CACFD1: variants seen among roughly 807,000 people sequenced by gnomAD.
CACFD1 encodes calcium channel flower homolog.
Under a neutral mutation model 21.3 loss-of-function variants are expected in CACFD1, and 26 were observed. The observed-to-expected ratio is 1.22, with a 90% CI of 0.89 to 1.69. The LOEUF (loss-of-function observed/expected upper bound fraction) is 1.69, where lower values mean the gene tolerates loss of function less well. CACFD1 is among the 40% of genes most tolerant of loss of function. CACFD1 has a pLI of 0.00. For missense variants in CACFD1, 265 were observed against 236.2 expected, an observed-to-expected ratio of 1.12 and a Z score of -0.80; for synonymous variants, 121 against 106.6, an observed-to-expected ratio of 1.13 and a Z score of -0.83.
chr9:133,467,873 G>C (rs1422004613), intron 3 of CACFD1, 48 bp from the exon 4 acceptor site: 5 of 1,349,418 alleles, frequency 3.7e-6, no homozygotes, highest in African/African-American at 1.4e-5. Context: ...GGAAGGATGT[G>C]GTGGCTGTGG....
intron 3 of CACFD1, among the ~76,000 whole-genome samples, chr9:133,467,070 C>T (rs1351979916): frequency 6.6e-6 from 1 of 152,054 alleles, no homozygotes; most frequent in Admixed American, 6.6e-5. Context: ...TTTTTAACGA[C>T]AGAAAAATCT....
chr9:133,467,516 G>A (rs1356437529), intron 3 of CACFD1, among the ~76,000 whole-genome samples: 1 of 152,206 alleles, frequency 6.6e-6, no homozygotes, highest in Non-Finnish European at 1.5e-5. Flanking sequence ...GACTGACCTC[G>A]GACAAGCTTT....
At chr9:133,468,237 C>T (rs1685131526) in intron 4 of CACFD1, 7 of 1,383,676 alleles carry the variant, frequency 5.1e-6, no homozygotes, top group Non-Finnish European at 6.8e-6. Flanking sequence ...CTTGCCCCGT[C>T]ACGGCCTGCA....
At chr9:133,463,704 A>C in intron 2 of CACFD1, 149 bp downstream of exon 2, 2 of 750,600 alleles carry the variant, frequency 2.7e-6, no homozygotes, top group Non-Finnish European at 4.5e-6. Flanking sequence ...TGCCTCGGGC[A>C]TGTGAGTTTC....
chr9:133,467,665 GT>G (rs1843491768), intron 3 of CACFD1, among the ~76,000 whole-genome samples: 1 of 152,188 alleles, frequency 6.6e-6, no homozygotes, highest in Non-Finnish European at 1.5e-5. Context: ...TCTCGTTACT[GT>G]TTAGCTCTTT....
intron 3 of CACFD1, among the ~76,000 whole-genome samples, chr9:133,466,189 G>A (rs917719143): frequency 6.6e-6 from 1 of 152,052 alleles, no homozygotes; most frequent in Non-Finnish European, 1.5e-5. Flanking sequence ...TCTAAATCAC[G>A]AAGAACACAG....
chr9:133,466,378 T>G (rs1843437859), intron 3 of CACFD1, among the ~76,000 whole-genome samples: 1 of 152,378 alleles, frequency 6.6e-6, no homozygotes, highest in South Asian at 2.1e-4. Context: ...TGCAGGCATT[T>G]TTTAAAAGCC....
chr9:133,460,794 G>A (rs35125296), intron 1 of CACFD1, among the ~76,000 whole-genome samples: 4,963 of 152,298 alleles, frequency 0.033, 105 homozygotes, highest in Middle Eastern at 0.054. Context: ...TGAGGGCCCG[G>A]CCTCTCCCTG....
At chr9:133,468,199 G>A (rs1004174654) in intron 4 of CACFD1, 171 bp downstream of exon 4, 19 of 1,143,592 alleles carry the variant, frequency 1.7e-5, no homozygotes, top group Middle Eastern at 2.0e-4. Context: ...GAAGACAGAG[G>A]ACTTACAACA....
At chr9:133,460,536 G>A (rs1344216348) in intron 1 of CACFD1, among the ~76,000 whole-genome samples, 2 of 143,312 alleles carry the variant, frequency 1.4e-5, no homozygotes, top group Non-Finnish European at 3.2e-5. Flanking sequence ...GCTCCCCAGG[G>A]GCTTTTGTGA....
In CACFD1 at chr9:133,460,003, G is replaced by A. The variant is rs1435535478; in HGVS notation, c.-64G>A. ...CCCTCTCCCACAAGGCAGCGCGCCGGCTCGGACGCGGCCGGCTACCGAGCC... is the reference window on the plus strand; with the variant it reads ...CCCTCTCCCACAAGGCAGCGCGCCGACTCGGACGCGGCCGGCTACCGAGCC... On this transcript the variant is annotated 5_prime_UTR_variant, in exon 1 of 5. Coordinates refer to ENST00000316948, the MANE Select transcript of CACFD1 (RefSeq NM_017586.5). 3.8e-5 allele frequency: 55 copies of A among 1,464,002 alleles called. No individual in the cohort carries two copies. The highest frequency in any genetic ancestry group is 4.9e-5 in the Non-Finnish European group (54 of 1,109,728). The allele number at this position is 1,464,002 out of a possible 1,614,324, so 90.7% of individuals were successfully genotyped here.
chr9:133,465,576 G>A lies in CACFD1; in HGVS notation c.320+129G>A, dbSNP rs1184219552. 2 of 982,090 alleles carry A rather than the reference G, an allele frequency of 2.0e-6. No homozygotes were observed. Among genetic ancestry groups the A allele is most frequent in the Non-Finnish European group, 3.0e-6 (2 of 665,038 alleles). The allele number at this position is 982,090 out of a possible 1,614,324, so 60.8% of individuals were successfully genotyped here. A position where few individuals can be genotyped will look rare whatever the true frequency, so the allele number is the denominator to read the frequency against. ...CTCTGTGGAAGTGTAAACTGGGATT[G>A]CCTTTGTGCACAGTGATTTGCTCAT... is the stretch of plus-strand genomic sequence containing the variant. On this transcript the variant is annotated intron_variant, in intron 3 of 4. Transcript: ENST00000316948. The surrounding 1 kb of genome is among the most constrained non-coding windows in gnomAD (Gnocchi z 5.0).
rs968770162 is a variant in CACFD1, at chr9:133,470,247, A to G, written c.*1594A>G. The G allele has an allele frequency of 6.6e-5, 10 of 152,462 alleles. No individual in the cohort carries two copies. Among genetic ancestry groups the G allele is most frequent in the African/African-American group, 2.4e-4 (10 of 41,344 alleles). 9.4% of individuals were successfully genotyped at this position (152,462 alleles called of 1,614,324 possible). A position where few individuals can be genotyped will look rare whatever the true frequency, so the allele number is the denominator to read the frequency against. On this transcript the variant is annotated 3_prime_UTR_variant, in exon 5 of 5. Transcript: ENST00000316948. ...TGTGTATGTATATGTGTGTGGGTGCACACATCTGTCCCATGTATGCAGTGA... is the reference window on the plus strand; with the variant it reads ...TGTGTATGTATATGTGTGTGGGTGCGCACATCTGTCCCATGTATGCAGTGA...
Position 133,468,755 on chromosome 9 carries a change from T to C in CACFD1, c.*102T>C. Reference sequence around the variant, plus strand: ...TGAGGCACAGCCTGGAGAGGGGCCTTTGCACGTGTCCCTACACCTGGAGTC... The same window carrying C: ...TGAGGCACAGCCTGGAGAGGGGCCTCTGCACGTGTCCCTACACCTGGAGTC... On this transcript the variant is annotated 3_prime_UTR_variant, in exon 5 of 5. Coordinates refer to ENST00000316948, the MANE Select transcript of CACFD1 (RefSeq NM_017586.5). The C allele has an allele frequency of 6.9e-7, 1 of 1,448,026 alleles. No homozygotes were observed. The highest frequency in any genetic ancestry group is 9.1e-7 in the Non-Finnish European group (1 of 1,101,888). The allele number at this position is 1,448,026 out of a possible 1,614,324, so 89.7% of individuals were successfully genotyped here. A position where few individuals can be genotyped will look rare whatever the true frequency, so the allele number is the denominator to read the frequency against.
intron 1 of CACFD1, among the ~76,000 whole-genome samples, chr9:133,461,047 C>T (rs1039826326): frequency 1.3e-5 from 2 of 152,254 alleles, no homozygotes; most frequent in Admixed American, 6.5e-5. Flanking sequence ...ATACCCTTTC[C>T]TTTCCTGTCT....
chr9:133,465,315 C>T lies in CACFD1; in HGVS notation c.195-7C>T. The stretch of plus-strand genomic sequence containing the variant: ...TCGCTGCTCTTCTCCTGCCCTGGTC[C>T]CTGCAGCATGAATGCCTTCATCTTG... On this transcript the variant is annotated splice_region_variant and splice_polypyrimidine_tract_variant and intron_variant, in intron 2 of 4. Transcript: ENST00000316948. This position sits in a 1 kb window ranked among gnomAD's most constrained non-coding sequence, Gnocchi z 5.0. 9 of 1,613,828 alleles carry T rather than the reference C, an allele frequency of 5.6e-6. No individual in the cohort carries two copies. Among genetic ancestry groups the T allele is most frequent in the Non-Finnish European group, 7.6e-6 (9 of 1,179,968 alleles).
At chr9:133,467,239 T>C (rs1564457703) in intron 3 of CACFD1, among the ~76,000 whole-genome samples, 1 of 152,186 alleles carries the variant, frequency 6.6e-6, no homozygotes, top group Non-Finnish European at 1.5e-5. Context: ...CAGGAATTGC[T>C]GCTGGCCTGG....
chr9:133,466,365 G>A (rs1843436929), intron 3 of CACFD1, among the ~76,000 whole-genome samples: 1 of 152,204 alleles, frequency 6.6e-6, no homozygotes, highest in South Asian at 2.1e-4. Context: ...TGTGCTTCCT[G>A]TCTGCAGGCA....
intron 1 of CACFD1, chr9:133,462,043 G>A: frequency 7.8e-7 from 1 of 1,284,428 alleles, no homozygotes; most frequent in South Asian, 1.3e-5. Context: ...TCAGCATTGA[G>A]GCCCCCAAGT....
Sources: gnomAD v4.1 joint callset for allele counts (sites outside exome capture counted in the v4.1 genomes callset) on GRCh38, gnomAD v4.1.1 for gene constraint, Gnocchi (gnomAD v3.1) non-coding constraint, MANE v1.5 for transcripts, NCBI Gene and HGNC (gene_info 2026-07-23, HGNC 2026-07-21) for gene names.